Variants in ODAD2 observed in about 807,000 individuals in gnomAD.
ODAD2 encodes outer dynein arm docking complex subunit 2, also known as outer dynein arm-docking complex subunit 2.
Under a neutral mutation model 106.8 loss-of-function variants are expected in ODAD2, and 89 were observed. That is an observed-to-expected ratio of 0.83 (90% confidence interval 0.70 to 0.99). The LOEUF (loss-of-function observed/expected upper bound fraction) is 0.99, where lower values mean the gene tolerates loss of function less well. Ranked by LOEUF, ODAD2 falls within the 50% of genes least tolerant of loss-of-function variation. ODAD2 has a pLI of 0.00. For synonymous variants in ODAD2, 404 were observed against 436.2 expected (o/e 0.93, Z 0.92); for missense variants, 1,168 against 1,238.5 (o/e 0.94, Z 0.85).
chr10:27,889,438 T>C (rs972968005), intron 17 of ODAD2, among the ~76,000 whole-genome samples: 6 of 152,140 alleles, frequency 3.9e-5, no homozygotes, highest in Non-Finnish European at 7.4e-5. Flanking sequence ...ACAGATATAA[T>C]CATCGTAAGT....
chr10:27,932,146 G>C (rs1211629109), intron 16 of ODAD2, among the ~76,000 whole-genome samples: 1 of 151,952 alleles, frequency 6.6e-6, no homozygotes, highest in Non-Finnish European at 1.5e-5. Context: ...ATGTTGCTCA[G>C]GCTAGTTTTG....
intron 16 of ODAD2, among the ~76,000 whole-genome samples, chr10:27,933,183 G>A (rs1466934514): frequency 6.6e-6 from 1 of 152,158 alleles, no homozygotes; most frequent in African/African-American, 2.4e-5. Context: ...CCATGAGTTT[G>A]AAGTTGCAGC....
intron 17 of ODAD2, among the ~76,000 whole-genome samples, chr10:27,876,360 G>A (rs955471229): frequency 2.6e-5 from 4 of 152,124 alleles, no homozygotes; most frequent in African/African-American, 7.2e-5. Flanking sequence ...CCAGATGAAC[G>A]ATCAGGCAGC....
intron 19 of ODAD2, among the ~76,000 whole-genome samples, chr10:27,845,194 G>T (rs1974220): frequency 0.54 from 81,338 of 151,960 alleles, 23,459 homozygotes; most frequent in Middle Eastern, 0.68. Flanking sequence ...ACACACAAAG[G>T]GAAGCCCATC....
rs755909325 is a variant in ODAD2 at position 27,940,824 on chromosome 10, C to T, written c.1744-19G>A. On this transcript the variant is annotated intron_variant, in intron 12 of 19. Coordinates refer to ENST00000305242, the MANE Select transcript of ODAD2 (RefSeq NM_018076.5). ...GAGCAACCTATAATAATAGATAAAT[C>T]CAATGTTCATGGAAATCTTAAAAAG... The T allele has an allele frequency of 2.9e-5, 47 of 1,604,306 alleles. No individual in the cohort carries two copies. The highest frequency in any genetic ancestry group is 4.0e-5 in the Non-Finnish European group (47 of 1,173,038).
chr10:27,973,746 T>A (rs975283633), intron 7 of ODAD2, among the ~76,000 whole-genome samples: 1 of 152,186 alleles, frequency 6.6e-6, no homozygotes, highest in African/African-American at 2.4e-5. Context: ...GCAATGAACA[T>A]ATGTGTGCAT....
chr10:27,874,902 G>T (rs1283927926), intron 17 of ODAD2, among the ~76,000 whole-genome samples: 1 of 152,138 alleles, frequency 6.6e-6, no homozygotes, highest in Non-Finnish European at 1.5e-5. Context: ...ATGTTGGCCT[G>T]CCTTGCTAGG....
At chr10:27,851,615 A>G (rs1325098595) in intron 19 of ODAD2, among the ~76,000 whole-genome samples, 1 of 152,140 alleles carries the variant, frequency 6.6e-6, no homozygotes, top group Non-Finnish European at 1.5e-5. Context: ...AGACAAAGAA[A>G]AAAATCCTAA....
In ODAD2 at chr10:27,984,260, C is replaced by T. The variant is rs1355480723; in HGVS notation, c.606G>A (p.Lys202=). Residue 202 remains lysine (K), a synonymous_variant, in exon 5 of 20, where the codon AAG becomes AAA. Transcript: ENST00000305242. ...LEISLSPMTV[K]KDIELLKRFS... is the part of the protein sequence containing the mutation. ...AACGTTTGAGCAGTTCTATATCCTT[C>T]TTCACCGTCATGGGACTTAAACTTA... The T allele has an allele frequency of 1.2e-6, 2 of 1,613,234 alleles. No homozygotes were observed. The highest frequency in any genetic ancestry group is 1.7e-6 in the Non-Finnish European group (2 of 1,179,434).
intron 16 of ODAD2, among the ~76,000 whole-genome samples, chr10:27,914,585 T>C (rs537043566): frequency 4.6e-5 from 7 of 152,266 alleles, no homozygotes; most frequent in Admixed American, 3.9e-4. Context: ...GCAGAATATA[T>C]GTTTAATCTG....
chr10:27,941,303 G>C (rs1846402857), intron 12 of ODAD2, among the ~76,000 whole-genome samples: 1 of 145,192 alleles, frequency 6.9e-6, no homozygotes, highest in Admixed American at 7.2e-5. Context: ...GAACAACATA[G>C]CAAGATCCTG....
intron 19 of ODAD2, among the ~76,000 whole-genome samples, chr10:27,857,322 T>C (rs562639632): frequency 2.2e-4 from 34 of 152,348 alleles, no homozygotes; most frequent in African/African-American, 7.9e-4. Context: ...ACATAATACA[T>C]ATAACATACG....
In ODAD2 at chr10:27,938,382, G is replaced by A. The variant is rs1209171485; in HGVS notation, c.2098-1502C>T. ...ACACTGGCATACACTAAGGAAAGAC[G>A]GTGGGAGGACACAGGGAAAAGGCAG... On this transcript the variant is annotated intron_variant, in intron 14 of 19. Coordinates refer to ENST00000305242, the MANE Select transcript of ODAD2 (RefSeq NM_018076.5). Among the ~76,000 whole-genome samples the A allele has an allele frequency of 8.5e-5, 13 of 152,090 alleles. No individual in the cohort carries two copies. In the East Asian group the frequency reaches 2.3e-3, roughly 27 times the overall value.
intron 17 of ODAD2, among the ~76,000 whole-genome samples, chr10:27,885,737 T>TAATATATATTATATATAAAA (rs1367530369): frequency 1.1e-4 from 5 of 47,476 alleles, no homozygotes; most frequent in East Asian, 1.4e-3. Context: ...ATAAAATATA[T>TAATATATATTATATATAAAA]TATGTTATAT....
At chr10:27,862,382 C>A in intron 18 of ODAD2, 52 bp downstream of exon 18, 1 of 1,429,870 alleles carries the variant, frequency 7.0e-7, no homozygotes. Flanking sequence ...CATCACTACA[C>A]CATGATATCT....
At chr10:27,977,931 A>G (rs769819591) in intron 7 of ODAD2, among the ~76,000 whole-genome samples, 1 of 152,230 alleles carries the variant, frequency 6.6e-6, no homozygotes, top group Non-Finnish European at 1.5e-5. Context: ...GCCTACATCA[A>G]TGTAAAATAT....
intron 17 of ODAD2, among the ~76,000 whole-genome samples, chr10:27,877,003 C>G (rs1267472663): frequency 6.6e-6 from 1 of 151,988 alleles, no homozygotes; most frequent in Non-Finnish European, 1.5e-5. Flanking sequence ...TTCTTTGATT[C>G]TCCCTTGGGA....
At chr10:27,830,835 A>G (rs1837418821) in intron 19 of ODAD2, among the ~76,000 whole-genome samples, 1 of 152,202 alleles carries the variant, frequency 6.6e-6, no homozygotes, top group Admixed American at 6.5e-5. Flanking sequence ...TGGCTTATTC[A>G]TGCCAATACT....
rs1273681974 is a variant in ODAD2 at position 27,907,735 on chromosome 10, C to A, written c.2538G>T (p.Leu846=). The change falls in exon 17 of 20, where the codon CTG becomes CTT. Residue 846 remains leucine, a synonymous_variant. Coordinates refer to ENST00000305242, the MANE Select transcript of ODAD2 (RefSeq NM_018076.5). ...TCACGTCTGGGTGAGGATTTTTCAG[C>A]AGGGACCACAACAAACGAACTCCAT... ...RLDGVRLLWS[L]LKNPHPDVKA... The A allele has an allele frequency of 6.2e-7, 1 of 1,613,754 alleles. No homozygotes were observed. The highest frequency in any genetic ancestry group is 1.3e-5 in the African/African-American group (1 of 74,928).
Sources: allele counts gnomAD v4.1 joint callset (sites outside exome capture counted in the v4.1 genomes callset), GRCh38; gene constraint gnomAD v4.1.1; transcripts MANE v1.5; gene names NCBI Gene and HGNC (gene_info 2026-07-23, HGNC 2026-07-21).